FER: variants seen among roughly 807,000 people sequenced by gnomAD.
FER encodes the protein tyrosine-protein kinase Fer.
A neutral mutation model predicts 111.0 loss-of-function variants in FER; 63 were observed. The ratio of observed to expected loss-of-function variants is 0.57; its 90% confidence interval spans 0.46 to 0.70. The LOEUF is 0.70. FER is among the 30% of genes least tolerant of loss of function. FER has a pLI of 0.00. For synonymous variants in FER, 327 were observed against 313.9 expected, an observed-to-expected ratio of 1.04 and a Z score of -0.44; for missense variants, 914 against 954.0, an observed-to-expected ratio of 0.96 and a Z score of 0.55.
intron 11 of FER, among the ~76,000 whole-genome samples, chr5:108,952,447 A>G (rs1210582068): frequency 7.0e-6 from 1 of 141,932 alleles, no homozygotes; most frequent in Non-Finnish European, 1.6e-5. Context: ...CAGGCAGGGG[A>G]TATGTGTGAC....
intron 13 of FER, among the ~76,000 whole-genome samples, chr5:109,017,134 A>G (rs1401560943): frequency 2.0e-5 from 3 of 151,988 alleles, no homozygotes; most frequent in African/African-American, 7.2e-5. Flanking sequence ...TTATTTTAGG[A>G]ATTTTAATAT....
chr5:109,134,372 A>T (rs1752674546), intron 17 of FER, among the ~76,000 whole-genome samples: 1 of 152,200 alleles, frequency 6.6e-6, no homozygotes, highest in African/African-American at 2.4e-5. Flanking sequence ...TACAGTATTT[A>T]TCAAAATTAA....
At chr5:108,862,502 T>G (rs766143817) in intron 5 of FER, among the ~76,000 whole-genome samples, 7 of 152,174 alleles carry the variant, frequency 4.6e-5, no homozygotes, top group African/African-American at 2.4e-5. Context: ...TCTTCTGAAG[T>G]TAGACTAAAA....
At chr5:108,934,688 G>A (rs1172055328) in intron 10 of FER, among the ~76,000 whole-genome samples, 1 of 152,136 alleles carries the variant, frequency 6.6e-6, no homozygotes, top group African/African-American at 2.4e-5. Context: ...CACTGTAGGT[G>A]TGTGAATAGC....
At chr5:108,820,269 TAATA>T in intron 3 of FER, 4 of 985,396 alleles carry the variant, frequency 4.1e-6, no homozygotes, top group Non-Finnish European at 4.8e-6. Context: ...AAGTAGCTAT[TAATA>T]AATAGGAAAA....
chr5:109,169,939 T>C (rs571053759), intron 17 of FER, among the ~76,000 whole-genome samples: 1 of 152,290 alleles, frequency 6.6e-6, no homozygotes, highest in East Asian at 1.9e-4. Context: ...CTGCAGAACA[T>C]TCAGTATCTA....
intron 16 of FER, 81 bp downstream of exon 16, chr5:109,047,279 T>C (rs990670188): frequency 2.5e-6 from 2 of 785,718 alleles, no homozygotes; most frequent in African/African-American, 3.6e-5. Flanking sequence ...CTCTTTGATT[T>C]CTCCTCGTAA....
At chr5:109,174,032 AAGAG>A (rs1176890713) in intron 17 of FER, among the ~76,000 whole-genome samples, 2 of 152,192 alleles carry the variant, frequency 1.3e-5, no homozygotes, top group South Asian at 2.1e-4. Flanking sequence ...CAGTTCTTCA[AAGAG>A]AGAGAACAGA....
chr5:109,029,711 A>G (rs1044469298), intron 13 of FER, among the ~76,000 whole-genome samples: 1 of 152,144 alleles, frequency 6.6e-6, no homozygotes, highest in African/African-American at 2.4e-5. Flanking sequence ...GTGAATTGGT[A>G]TACCCTGTAG....
chr5:108,869,882 G>A (rs1764442123), intron 6 of FER, among the ~76,000 whole-genome samples: 3 of 152,012 alleles, frequency 2.0e-5, no homozygotes, highest in Admixed American at 2.0e-4. Context: ...AATTTTAGGT[G>A]ATCCTCCATA....
intron 17 of FER, among the ~76,000 whole-genome samples, chr5:109,110,496 T>G (rs1403305276): frequency 6.6e-6 from 1 of 151,764 alleles, no homozygotes; most frequent in East Asian, 1.9e-4. Context: ...GGTCAGAAAA[T>G]TAGGTGAGTT....
intron 18 of FER, 29 bp from the exon 19 acceptor site, chr5:109,186,171 T>C (rs905242409): frequency 1.2e-6 from 2 of 1,613,916 alleles, no homozygotes; most frequent in Non-Finnish European, 1.7e-6. Context: ...CTGTGCCTCA[T>C]GTGGTTATGG....
chr5:109,100,614 A>G, intron 17 of FER, 95 bp downstream of exon 17: 1 of 1,249,144 alleles, frequency 8.0e-7, no homozygotes. Context: ...TTCTTTCATG[A>G]AACATGTCTT....
At chr5:108,878,494 C>G (rs538330903) in intron 8 of FER, among the ~76,000 whole-genome samples, 7 of 151,704 alleles carry the variant, frequency 4.6e-5, no homozygotes, top group Non-Finnish European at 2.9e-5. Flanking sequence ...TTTTTTTTAA[C>G]ATGTATTAAA....
chr5:108,805,427 G>A (rs900011522), intron 3 of FER, among the ~76,000 whole-genome samples: 1 of 152,156 alleles, frequency 6.6e-6, no homozygotes, highest in African/African-American at 2.4e-5. Context: ...AGAGTGGGGC[G>A]TTGCTAAAAA....
intron 6 of FER, among the ~76,000 whole-genome samples, chr5:108,871,163 A>G (rs1448822449): frequency 6.6e-6 from 1 of 152,124 alleles, no homozygotes; most frequent in Admixed American, 6.6e-5. Flanking sequence ...TTATTGTATT[A>G]TAACAAATAT....
chr5:109,016,531 G>T (rs1767150047), intron 13 of FER, among the ~76,000 whole-genome samples: 1 of 152,004 alleles, frequency 6.6e-6, no homozygotes, highest in Non-Finnish European at 1.5e-5. Flanking sequence ...ACACACTTGT[G>T]TACTTTTTTG....
chr5:109,080,382 G>T (rs1024391675), intron 16 of FER, among the ~76,000 whole-genome samples: 12 of 152,096 alleles, frequency 7.9e-5, no homozygotes, highest in Middle Eastern at 3.4e-3. Context: ...ATGTGGAAAG[G>T]TCACATAGAT....
At chr5:109,176,111 G>GA (rs200411815) in intron 17 of FER, among the ~76,000 whole-genome samples, 3,595 of 151,828 alleles carry the variant, frequency 0.024, 70 homozygotes, top group East Asian at 0.074. Context: ...AGTTTCTTAA[G>GA]AAAAAAAACT....
Sources: allele counts gnomAD v4.1 joint callset (sites outside exome capture counted in the v4.1 genomes callset), GRCh38; gene constraint gnomAD v4.1.1; transcripts MANE v1.5; gene names NCBI Gene and HGNC (gene_info 2026-07-23, HGNC 2026-07-21).